CDH12: variants seen among roughly 807,000 people sequenced by gnomAD.
The protein encoded by CDH12 is cadherin 12.
A neutral mutation model predicts 74.1 loss-of-function variants in CDH12; 41 were observed. The ratio of observed to expected loss-of-function variants is 0.55; its 90% confidence interval spans 0.43 to 0.72. The LOEUF (loss-of-function observed/expected upper bound fraction) is 0.72. Ranked by LOEUF, CDH12 falls within the 30% of genes least tolerant of loss-of-function variation. CDH12 has a pLI of 0.00. For missense variants in CDH12, 945 were observed against 977.2 expected (o/e 0.97, Z 0.44); for synonymous variants, 399 against 355.0 (o/e 1.12, Z -1.39).
chr5:21,938,929 C>T (rs1300659166), intron 6 of CDH12, among the ~76,000 whole-genome samples: 1 of 150,494 alleles, frequency 6.6e-6, no homozygotes, highest in Non-Finnish European at 1.5e-5. Flanking sequence ...TATTATACTT[C>T]CAGATGCATA....
chr5:22,460,973 G>A (rs1286733354), intron 2 of CDH12, among the ~76,000 whole-genome samples: 19 of 148,524 alleles, frequency 1.3e-4, no homozygotes, highest in African/African-American at 3.0e-4. Context: ...CACCTGCCTC[G>A]GCCTCCCAAA....
intron 5 of CDH12, among the ~76,000 whole-genome samples, chr5:22,058,849 TATC>T (rs1740954447): frequency 6.6e-6 from 1 of 152,076 alleles, no homozygotes; most frequent in South Asian, 2.1e-4. Context: ...GTATCTAACA[TATC>T]ATCTTTGATC....
intron 2 of CDH12, among the ~76,000 whole-genome samples, chr5:22,417,142 TACTA>T (rs1461324907): frequency 6.6e-6 from 1 of 152,244 alleles, no homozygotes; most frequent in Non-Finnish European, 1.5e-5. Flanking sequence ...ATAATAAACC[TACTA>T]ACTGATATCA....
intron 3 of CDH12, among the ~76,000 whole-genome samples, chr5:22,346,318 AT>A (rs1740110409): frequency 6.6e-6 from 1 of 152,224 alleles, no homozygotes; most frequent in Non-Finnish European, 1.5e-5. Context: ...TATCATTCAT[AT>A]TTTTAGCATT....
At chr5:22,066,743 T>A (rs1180270935) in intron 5 of CDH12, among the ~76,000 whole-genome samples, 1 of 152,200 alleles carries the variant, frequency 6.6e-6, no homozygotes, top group Non-Finnish European at 1.5e-5. Flanking sequence ...GAGAAACTGC[T>A]GAGATTAGTG....
intron 3 of CDH12, among the ~76,000 whole-genome samples, chr5:22,217,992 A>G (rs941746947): frequency 1.3e-5 from 2 of 151,666 alleles, no homozygotes; most frequent in Non-Finnish European, 3.0e-5. Flanking sequence ...TTATTAATTC[A>G]TAACTATTTA....
At chr5:21,809,914 TC>T (rs1218121246) in intron 9 of CDH12, among the ~76,000 whole-genome samples, 1 of 152,042 alleles carries the variant, frequency 6.6e-6, no homozygotes, top group Non-Finnish European at 1.5e-5. Flanking sequence ...AAAGGAGTGA[TC>T]AACTTTGCCT....
chr5:22,445,466 C>T (rs1037794723), intron 2 of CDH12, among the ~76,000 whole-genome samples: 1 of 152,092 alleles, frequency 6.6e-6, no homozygotes, highest in Non-Finnish European at 1.5e-5. Flanking sequence ...AATGGCATGT[C>T]ACAAGGATTA....
At chr5:22,499,271 C>T (rs1037972172) in intron 2 of CDH12, among the ~76,000 whole-genome samples, 2 of 152,016 alleles carry the variant, frequency 1.3e-5, no homozygotes, top group Non-Finnish European at 2.9e-5. Context: ...GAAATATCCA[C>T]GAATGTGTGG....
chr5:22,594,792 G>A (rs1268762295), intron 1 of CDH12, among the ~76,000 whole-genome samples: 1 of 145,364 alleles, frequency 6.9e-6, no homozygotes, highest in East Asian at 2.0e-4. Flanking sequence ...TTCATTTCAG[G>A]AACATACTGC....
At chr5:22,514,306 A>G (rs1736722447) in intron 1 of CDH12, among the ~76,000 whole-genome samples, 1 of 152,100 alleles carries the variant, frequency 6.6e-6, no homozygotes, top group Non-Finnish European at 1.5e-5. Context: ...AATACACAGA[A>G]ACACATAAAC....
At chr5:21,883,416 G>A (rs1752463020) in intron 6 of CDH12, 2 of 1,574,786 alleles carry the variant, frequency 1.3e-6, no homozygotes, top group Admixed American at 3.3e-5. Flanking sequence ...GATAATCGCT[G>A]AAGATGTTGA....
At chr5:21,764,533 C>T (rs1163925480) in intron 12 of CDH12, among the ~76,000 whole-genome samples, 1 of 151,098 alleles carries the variant, frequency 6.6e-6, no homozygotes, top group Non-Finnish European at 1.5e-5. Context: ...CCTATAATCC[C>T]AGCTACTTGG....
intron 1 of CDH12, among the ~76,000 whole-genome samples, chr5:22,545,235 T>C (rs1580751373): frequency 6.6e-6 from 1 of 152,296 alleles, no homozygotes; most frequent in East Asian, 1.9e-4. Context: ...TCAATACCCA[T>C]CAATGGTGGG....
At chr5:22,066,350 C>T (rs1284249219) in intron 5 of CDH12, among the ~76,000 whole-genome samples, 1 of 152,132 alleles carries the variant, frequency 6.6e-6, no homozygotes, top group East Asian at 1.9e-4. Flanking sequence ...GGACCTATCA[C>T]TTTTTATCAG....
intron 4 of CDH12, among the ~76,000 whole-genome samples, chr5:22,195,557 T>G (rs1291281780): frequency 6.6e-6 from 1 of 152,230 alleles, no homozygotes; most frequent in Non-Finnish European, 1.5e-5. Flanking sequence ...ATTATTATTT[T>G]TCCTTTGAAA....
chr5:22,461,406 T>TA (rs994323009), intron 2 of CDH12, among the ~76,000 whole-genome samples: 6 of 147,728 alleles, frequency 4.1e-5, no homozygotes, highest in East Asian at 2.0e-4. Flanking sequence ...TTACTACTGT[T>TA]AAAAAAAAAT....
At chr5:21,754,921 A>G (rs1744300781) in intron 14 of CDH12, among the ~76,000 whole-genome samples, 1 of 152,214 alleles carries the variant, frequency 6.6e-6, no homozygotes, top group Non-Finnish European at 1.5e-5. Flanking sequence ...TCACTCTCAC[A>G]GAGATATTAT....
At chr5:22,340,823 T>A (rs1472406200) in intron 3 of CDH12, among the ~76,000 whole-genome samples, 1 of 152,186 alleles carries the variant, frequency 6.6e-6, no homozygotes, top group Non-Finnish European at 1.5e-5. Flanking sequence ...AGTCTGAGTG[T>A]CTTCATTTCA....
Sources: allele counts gnomAD v4.1 joint callset (sites outside exome capture counted in the v4.1 genomes callset), GRCh38; gene constraint gnomAD v4.1.1; transcripts MANE v1.5; gene names NCBI Gene and HGNC (gene_info 2026-07-23, HGNC 2026-07-21).